JAKMIP1: variants seen among roughly 807,000 people sequenced by gnomAD.
JAKMIP1 encodes janus kinase and microtubule interacting protein 1.
JAKMIP1 carries 33 observed loss-of-function variants against 113.0 expected under a neutral mutation model. The ratio of observed to expected loss-of-function variants is 0.29; its 90% CI spans 0.22 to 0.39. The LOEUF is 0.39. JAKMIP1 is among the 10% of genes least tolerant of loss of function. The pLI, the probability that JAKMIP1 is intolerant of heterozygous loss-of-function variation, is 1.00. For synonymous variants in JAKMIP1, 480 were observed against 459.9 expected (o/e 1.04, Z -0.56); for missense variants, 813 against 1,080.5 (o/e 0.75, Z 3.47).
chr4:6,116,956 T>C lies in JAKMIP1; in HGVS notation c.-147-3959A>G, dbSNP rs1012012804. ...CCAAGCACAGAGTCAAGACCAGCTATGTATTTGCAGCCCAGTGCAAAATGA... is the reference window on the plus strand; with the variant it reads ...CCAAGCACAGAGTCAAGACCAGCTACGTATTTGCAGCCCAGTGCAAAATGA... On this transcript the variant is annotated intron_variant, in intron 1 of 20. Coordinates refer to ENST00000409021, the MANE Select transcript of JAKMIP1 (RefSeq NM_001099433.2). This position sits in a 1 kb window ranked among gnomAD's most constrained non-coding sequence, Gnocchi z 5.1. 2.0e-5 allele frequency among the ~76,000 whole-genome samples: 3 copies of C among 152,200 alleles called. No homozygotes were observed. Among genetic ancestry groups the C allele is most frequent in the African/African-American group, 7.2e-5 (3 of 41,450 alleles).
In JAKMIP1 at chr4:6,135,268, A is replaced by C. The variant is rs959545541; in HGVS notation, c.-147-22271T>G. Among the ~76,000 whole-genome samples, 1 of 152,186 alleles carries C rather than the reference A, an allele frequency of 6.6e-6. No individual in the cohort carries two copies. Among genetic ancestry groups the C allele is most frequent in the African/African-American group, 2.4e-5 (1 of 41,436 alleles). ...GGGCTGTGGATTAGGGTGGGACCTA[A>C]TCCAAGATGACGGATGTCCTAACAA... On this transcript the variant is annotated intron_variant, in intron 1 of 20. Coordinates refer to ENST00000409021, the MANE Select transcript of JAKMIP1 (RefSeq NM_001099433.2). This position sits in a 1 kb window ranked among gnomAD's most constrained non-coding sequence, Gnocchi z 4.9.
Position 6,076,995 on chromosome 4 carries a change from G to A in JAKMIP1, c.1302+1944C>T, listed in dbSNP as rs534262825. Among the ~76,000 whole-genome samples, 8 of 152,144 alleles carry A rather than the reference G, an allele frequency of 5.3e-5. No individual in the cohort carries two copies. The highest frequency in any genetic ancestry group is 1.9e-4 in the African/African-American group (8 of 41,492). ...TTTGGATTTCGGATTTTTGGATTTT[G>A]GATTACGGATGTTCAACCTGTATTT... is the stretch of plus-strand genomic sequence containing the variant. On this transcript the variant is annotated intron_variant, in intron 8 of 20. Transcript: ENST00000409021. This position sits in a 1 kb window ranked among gnomAD's most constrained non-coding sequence, Gnocchi z 4.8.
rs552210059 is a variant in JAKMIP1 at position 6,080,563 on chromosome 4, C to T, written c.1102-251G>A. 1.7e-4 allele frequency among the ~76,000 whole-genome samples: 26 copies of T among 152,134 alleles called. No individual in the cohort carries two copies. Among genetic ancestry groups the T allele is most frequent in the Non-Finnish European group, 3.5e-4 (24 of 68,028 alleles). ...AATCATGGTGGCGGTTTCTCTCATA[C>T]TATTCTCGTGGTTGTGAATAAGTCT... On this transcript the variant is annotated intron_variant, in intron 6 of 20. Coordinates refer to ENST00000409021, the MANE Select transcript of JAKMIP1 (RefSeq NM_001099433.2). This position sits in a 1 kb window ranked among gnomAD's most constrained non-coding sequence, Gnocchi z 6.0.
Position 6,031,084 on chromosome 4 carries a change from A to G in JAKMIP1, c.2380-1303T>C, listed in dbSNP as rs940075889. Among the ~76,000 whole-genome samples, 4 of 152,204 alleles carry G rather than the reference A, an allele frequency of 2.6e-5. No homozygotes were observed. Among genetic ancestry groups the G allele is most frequent in the Non-Finnish European group, 5.9e-5 (4 of 68,044 alleles). On this transcript the variant is annotated intron_variant, in intron 19 of 20. Coordinates refer to ENST00000409021, the MANE Select transcript of JAKMIP1 (RefSeq NM_001099433.2). The surrounding 1 kb of genome is among the most constrained non-coding windows in gnomAD (Gnocchi z 4.4). ...TTATAGTTCAATTACCGTTCAGACAATAGCAGCATACACATAAATAGAAGG... is the reference window on the plus strand; with the variant it reads ...TTATAGTTCAATTACCGTTCAGACAGTAGCAGCATACACATAAATAGAAGG...
intron 1 of JAKMIP1, among the ~76,000 whole-genome samples, chr4:6,160,425 A>G (rs1476313269): frequency 2.0e-5 from 3 of 152,208 alleles, no homozygotes; most frequent in African/African-American, 7.2e-5. Context: ...CAGGAAAGAG[A>G]AGAAAATGTG....
chr4:6,034,580 T>C (rs995445310), intron 19 of JAKMIP1, among the ~76,000 whole-genome samples: 3 of 152,188 alleles, frequency 2.0e-5, no homozygotes, highest in African/African-American at 7.2e-5. Context: ...GGTGGGTGGA[T>C]CACTTGAGGT....
Position 6,193,217 on chromosome 4 carries a change from G to C in JAKMIP1, c.-148+7036C>G, listed in dbSNP as rs931236666. Among the ~76,000 whole-genome samples the C allele has an allele frequency of 6.6e-6, 1 of 152,120 alleles. No homozygotes were observed. Among genetic ancestry groups the C allele is most frequent in the African/African-American group, 2.4e-5 (1 of 41,412 alleles). On this transcript the variant is annotated intron_variant, in intron 1 of 20. Transcript: ENST00000409021. This position sits in a 1 kb window ranked among gnomAD's most constrained non-coding sequence, Gnocchi z 6.4. Reference sequence around the variant, plus strand: ...GACCTACACCAGTGGTTTGCCAGGGGCTCTAAGGCCTTTGGCCACAGGCTG... The same window carrying C: ...GACCTACACCAGTGGTTTGCCAGGGCCTCTAAGGCCTTTGGCCACAGGCTG...
At chr4:6,128,516 C>A (rs1287260479) in intron 1 of JAKMIP1, among the ~76,000 whole-genome samples, 1 of 152,078 alleles carries the variant, frequency 6.6e-6, no homozygotes, top group Non-Finnish European at 1.5e-5. Flanking sequence ...GGAAATTTGT[C>A]CCCACAACAG....
chr4:6,096,076 G>C (rs540278948), intron 3 of JAKMIP1, among the ~76,000 whole-genome samples: 21 of 152,318 alleles, frequency 1.4e-4, no homozygotes, highest in African/African-American at 5.1e-4. Flanking sequence ...GCGGTGCAAA[G>C]ATCGGGGCTG....
chr4:6,053,793 G>A (rs1715977900), intron 13 of JAKMIP1: 1 of 1,274,044 alleles, frequency 7.8e-7, no homozygotes, highest in Non-Finnish European at 9.9e-7. Flanking sequence ...TGCAAAACAA[G>A]CCATAGGCAA....
rs774783068 is a variant in JAKMIP1, at chr4:6,060,430, C to T, written c.1638G>A (p.Lys546=). 4 of 1,612,484 alleles carry T rather than the reference C, an allele frequency of 2.5e-6. No individual in the cohort carries two copies. The African/African-American group carries it at 5.3e-5, about 22-fold the overall frequency. Residue 546 remains lysine, a synonymous_variant, in exon 11 of 21, where the codon AAG becomes AAA. Coordinates refer to ENST00000409021, the MANE Select transcript of JAKMIP1 (RefSeq NM_001099433.2). The part of the protein sequence containing the change: ...IEDLEKLLVE[K]GQDSKWVEEK... ...ACAGATCACTCCTGCTCACCTGTCC[C>T]TTCTCAACCAGTAACTTCTCCAAAT...
rs1279375877 is a variant in JAKMIP1, at chr4:6,178,346, G to C, written c.-148+21907C>G. Among the ~76,000 whole-genome samples the C allele has an allele frequency of 6.6e-6, 1 of 152,266 alleles. No homozygotes were observed. Among genetic ancestry groups the C allele is most frequent in the East Asian group, 1.9e-4 (1 of 5,172 alleles). On this transcript the variant is annotated intron_variant, in intron 1 of 20. Coordinates refer to ENST00000409021, the MANE Select transcript of JAKMIP1 (RefSeq NM_001099433.2). This position sits in a 1 kb window ranked among gnomAD's most constrained non-coding sequence, Gnocchi z 5.5. ...TGTAGTTCCCATAATCCCCATGTGT[G>C]GTGGGAGGGACCTCTCGGGAGGTAA...
At position 6,140,250 on chromosome 4, in the gene JAKMIP1, C is replaced by CTTT. The variant is rs35255967; in HGVS notation, c.-147-27256_-147-27254dup. On this transcript the variant is annotated intron_variant, in intron 1 of 20. Coordinates refer to ENST00000409021, the MANE Select transcript of JAKMIP1 (RefSeq NM_001099433.2). This position sits in a 1 kb window ranked among gnomAD's most constrained non-coding sequence, Gnocchi z 9.4. ...CTGCTCCCTATTTTTCTTTTTTCCT[C>CTTT]TTTTTTTTTTTTTTTTCTGTGGGGA... Among the ~76,000 whole-genome samples the CTTT allele has an allele frequency of 7.1e-6, 1 of 140,222 alleles. No individual in the cohort carries two copies. Among genetic ancestry groups the CTTT allele is most frequent in the Non-Finnish European group, 1.6e-5 (1 of 64,328 alleles). 92.0% of individuals were successfully genotyped at this position (140,222 alleles called of 152,430 possible).
intron 19 of JAKMIP1, among the ~76,000 whole-genome samples, chr4:6,032,179 G>A (rs1424146955): frequency 6.6e-6 from 1 of 152,140 alleles, no homozygotes; most frequent in Non-Finnish European, 1.5e-5. Context: ...TGACACCGAG[G>A]GTGAAATGGG....
intron 2 of JAKMIP1, among the ~76,000 whole-genome samples, chr4:6,111,261 C>G (rs924163814): frequency 2.6e-5 from 4 of 152,210 alleles, no homozygotes; most frequent in Non-Finnish European, 5.9e-5. Flanking sequence ...ACCCGTCACT[C>G]CAGGTACTAC....
intron 1 of JAKMIP1, among the ~76,000 whole-genome samples, chr4:6,149,899 C>G (rs908474168): frequency 1.3e-5 from 2 of 152,140 alleles, no homozygotes; most frequent in Non-Finnish European, 2.9e-5. Flanking sequence ...ACTCCCAGCT[C>G]TCCCCACCCA....
chr4:6,040,846 T>C lies in JAKMIP1; in HGVS notation c.2098-130A>G. The stretch of plus-strand genomic sequence containing the variant: ...ACTCAGATGAGAAGGGACTTGGTGG[T>C]CTTCCCCGTTTGCCCCCACATGAAT... On this transcript the variant is annotated intron_variant, in intron 17 of 20. Coordinates refer to ENST00000409021, the MANE Select transcript of JAKMIP1 (RefSeq NM_001099433.2). The surrounding 1 kb of genome is among the most constrained non-coding windows in gnomAD (Gnocchi z 5.8). The C allele has an allele frequency of 1.4e-6, 1 of 715,442 alleles. No homozygotes were observed. Among genetic ancestry groups the C allele is most frequent in the Non-Finnish European group, 2.5e-6 (1 of 408,104 alleles). 44.3% of individuals were successfully genotyped at this position (715,442 alleles called of 1,614,324 possible).
chr4:6,044,266 C>T lies in JAKMIP1; in HGVS notation c.2029-2039G>A, dbSNP rs1229702881. 6.6e-6 allele frequency among the ~76,000 whole-genome samples: 1 copy of T among 152,136 alleles called. No homozygotes were observed. Among genetic ancestry groups the T allele is most frequent in the African/African-American group, 2.4e-5 (1 of 41,436 alleles). Reference sequence around the variant, plus strand: ...CCACATTTGCCTCCTGTTGGACTTCCTTGCCTGGCACAGGGCTTGACACAA... The same window carrying T: ...CCACATTTGCCTCCTGTTGGACTTCTTTGCCTGGCACAGGGCTTGACACAA... On this transcript the variant is annotated intron_variant, in intron 16 of 20. Coordinates refer to ENST00000409021, the MANE Select transcript of JAKMIP1 (RefSeq NM_001099433.2). The surrounding 1 kb of genome is among the most constrained non-coding windows in gnomAD (Gnocchi z 4.4).
rs1309490236 is a variant in JAKMIP1 at position 6,037,281 on chromosome 4, CAGTAG to C, written c.2176-1179_2176-1175del. ...TCCATCACTGAGTCAGAGGTTAACCCAGTAGCCCTCCAACACCAAGGCAGAGGCTA... is the reference window on the plus strand; with the variant it reads ...TCCATCACTGAGTCAGAGGTTAACCCCCCTCCAACACCAAGGCAGAGGCTA... On this transcript the variant is annotated intron_variant, in intron 18 of 20. Transcript: ENST00000409021. Among the ~76,000 whole-genome samples the C allele has an allele frequency of 1.7e-4, 22 of 126,414 alleles. 3 individuals carry two copies. The highest frequency in any genetic ancestry group is 8.9e-4 in the African/African-American group (20 of 22,554). 82.9% of individuals were successfully genotyped at this position (126,414 alleles called of 152,430 possible).
Sources: gnomAD v4.1 joint callset for allele counts (sites outside exome capture counted in the v4.1 genomes callset) on GRCh38, gnomAD v4.1.1 for gene constraint, Gnocchi (gnomAD v3.1) non-coding constraint, MANE v1.5 for transcripts, NCBI Gene and HGNC (gene_info 2026-07-23, HGNC 2026-07-21) for gene names.